The following PCDHGA6 variants were observed in gnomAD, a reference collection of about 807,000 sequenced individuals.
PCDHGA6 encodes protocadherin gamma-A6.
A neutral mutation model predicts 60.6 loss-of-function variants in PCDHGA6; 41 were observed. That is an observed-to-expected ratio of 0.68 (90% CI 0.53 to 0.88). The LOEUF (loss-of-function observed/expected upper bound fraction) is 0.88, where lower values mean the gene tolerates loss of function less well. Ranked by LOEUF, PCDHGA6 falls within the 40% of genes least tolerant of loss-of-function variation. The pLI, the probability that PCDHGA6 is intolerant of heterozygous loss-of-function variation, is 0.00. For missense variants in PCDHGA6, 1,312 were observed against 1,203.0 expected (o/e 1.09, Z -1.34); for synonymous variants, 594 against 524.4 (o/e 1.13, Z -1.81).
At chr5:141,469,424 AC>A (rs1173507321) in intron 1 of PCDHGA6, among the ~76,000 whole-genome samples, 1 of 151,864 alleles carries the variant, frequency 6.6e-6, no homozygotes, top group East Asian at 1.9e-4. Context: ...AAAATATAAA[AC>A]TTAGCTGGGC....
chr5:141,485,676 G>A lies in PCDHGA6; in HGVS notation c.2425-9131G>A. The A allele has an allele frequency of 6.2e-7, 1 of 1,612,928 alleles. No individual in the cohort carries two copies. The highest frequency in any genetic ancestry group is 2.2e-5 in the East Asian group (1 of 44,848). On this transcript the variant is annotated intron_variant, in intron 1 of 3. Coordinates refer to ENST00000517434, the MANE Select transcript of PCDHGA6 (RefSeq NM_018919.3). This position sits in a 1 kb window ranked among gnomAD's most constrained non-coding sequence, Gnocchi z 5.7. ...GCAGATGTGGGGAGCAATTCGATTA[G>A]CAGCTATAGGCTGAGCTCCAATGAA...
chr5:141,391,728 T>C (rs2092412871), intron 1 of PCDHGA6: 1 of 152,222 alleles, frequency 6.6e-6, no homozygotes, highest in East Asian at 1.9e-4. Flanking sequence ...ACAGACTTTT[T>C]TGTAGTCATA....
chr5:141,481,200 T>A (rs977235584), intron 1 of PCDHGA6, among the ~76,000 whole-genome samples: 2 of 152,178 alleles, frequency 1.3e-5, no homozygotes, highest in Non-Finnish European at 2.9e-5. Flanking sequence ...CCAATTTTTT[T>A]AAAAAACATG....
Position 141,403,639 on chromosome 5 carries a change from T to C in PCDHGA6, c.2424+27132T>C, listed in dbSNP as rs377402370. On this transcript the variant is annotated intron_variant, in intron 1 of 3. Coordinates refer to ENST00000517434, the MANE Select transcript of PCDHGA6 (RefSeq NM_018919.3). ...GTCGCTCCAGCACAGTGCGCATCCA[T>C]GTGACAGTGTTGGATACAAATGATA... 1.4e-4 allele frequency: 219 copies of C among 1,613,892 alleles called. 1 individual carries two copies. The East Asian group carries it at 4.5e-3, about 33-fold the overall frequency.
intron 1 of PCDHGA6, chr5:141,394,355 G>A: frequency 6.2e-7 from 1 of 1,614,182 alleles, no homozygotes; most frequent in Non-Finnish European, 8.5e-7. Context: ...CCGGTGTCCT[G>A]TATGCGCTGC....
At chr5:141,413,344 G>A in intron 1 of PCDHGA6, 1 of 1,613,986 alleles carries the variant, frequency 6.2e-7, no homozygotes. Context: ...CAAGGACTTG[G>A]GTCTGGCGCC....
At chr5:141,392,891 C>G in intron 1 of PCDHGA6, 1 of 1,613,594 alleles carries the variant, frequency 6.2e-7, no homozygotes, top group Non-Finnish European at 8.5e-7. Context: ...TGTGGGAAAT[C>G]GGGAGGGGAC....
At chr5:141,481,318 A>C (rs758947998) in intron 1 of PCDHGA6, among the ~76,000 whole-genome samples, 6 of 152,216 alleles carry the variant, frequency 3.9e-5, no homozygotes, top group Non-Finnish European at 8.8e-5. Context: ...TTCCTAAAGC[A>C]CTAGCCCCTG....
chr5:141,449,569 A>G (rs1340921687), intron 1 of PCDHGA6, among the ~76,000 whole-genome samples: 2 of 148,390 alleles, frequency 1.3e-5, no homozygotes, highest in East Asian at 3.9e-4. Flanking sequence ...AGCCTGGGCG[A>G]CAGAGCAAGA....
intron 1 of PCDHGA6, chr5:141,389,435 C>T (rs1403223210): frequency 8.1e-6 from 13 of 1,610,504 alleles, no homozygotes. Flanking sequence ...CGCAGCGCGC[C>T]TTCGACCACG....
At chr5:141,398,743 A>C (rs770231078) in intron 1 of PCDHGA6, 2 of 1,613,864 alleles carry the variant, frequency 1.2e-6, no homozygotes, top group Admixed American at 3.3e-5. Flanking sequence ...GGAACAACAG[A>C]GTTACCATCG....
At chr5:141,403,214 G>A in intron 1 of PCDHGA6, 5 of 1,613,990 alleles carry the variant, frequency 3.1e-6, no homozygotes, top group Non-Finnish European at 4.2e-6. Context: ...GGTCACCGCG[G>A]GTAGGATAGA....
intron 1 of PCDHGA6, among the ~76,000 whole-genome samples, chr5:141,462,009 G>C (rs2099028674): frequency 6.6e-6 from 1 of 152,190 alleles, no homozygotes; most frequent in Non-Finnish European, 1.5e-5. Flanking sequence ...TTTTAATAGA[G>C]ACGGGGTTTC....
At chr5:141,480,178 C>T (rs143309515) in intron 1 of PCDHGA6, among the ~76,000 whole-genome samples, 346 of 150,752 alleles carry the variant, frequency 2.3e-3, no homozygotes, top group Non-Finnish European at 2.8e-3. Flanking sequence ...CTGAGGCAGG[C>T]GGATTGCTTG....
chr5:141,403,773 A>T, intron 1 of PCDHGA6: 1 of 1,613,956 alleles, frequency 6.2e-7, no homozygotes, highest in South Asian at 1.1e-5. Context: ...GAGGGAATCA[A>T]CGGAAAAGTG....
intron 1 of PCDHGA6, chr5:141,379,714 A>G (rs1315727028): frequency 6.6e-6 from 1 of 152,154 alleles, no homozygotes; most frequent in African/African-American, 2.4e-5. Flanking sequence ...CCTGGCAGTC[A>G]TGGAATTTGC....
intron 1 of PCDHGA6, among the ~76,000 whole-genome samples, chr5:141,437,842 A>G (rs1372385076): frequency 2.0e-5 from 3 of 150,650 alleles, no homozygotes; most frequent in East Asian, 3.9e-4. Context: ...GGTTCATGCT[A>G]TTCTCCTGCC....
intron 1 of PCDHGA6, chr5:141,404,478 CAG>C (rs749664270): frequency 1.9e-6 from 3 of 1,613,412 alleles, no homozygotes; most frequent in Non-Finnish European, 2.5e-6. Context: ...TCTATTAACT[CAG>C]ACACTGGTGT....
intron 1 of PCDHGA6, 172 bp downstream of exon 1, chr5:141,376,679 T>A (rs1008866087): frequency 1.9e-6 from 1 of 528,242 alleles, no homozygotes; most frequent in Non-Finnish European, 2.9e-6. Context: ...GGGTATCGTT[T>A]TTTTTTTTTT....
Sources: allele counts gnomAD v4.1 joint callset (sites outside exome capture counted in the v4.1 genomes callset), GRCh38; gene constraint gnomAD v4.1.1; non-coding constraint Gnocchi (gnomAD v3.1); transcripts MANE v1.5; gene names NCBI Gene and HGNC (gene_info 2026-07-23, HGNC 2026-07-21).